NOVA1: variants seen among roughly 807,000 people sequenced by gnomAD.
NOVA1 encodes RNA-binding protein Nova-1.
A neutral mutation model predicts 38.0 loss-of-function variants in NOVA1; 7 were observed. The observed-to-expected ratio is 0.18, with a 90% CI of 0.10 to 0.35. The LOEUF is 0.35. Ranked by LOEUF, NOVA1 falls within the 10% of genes least tolerant of loss-of-function variation. NOVA1 has a pLI of 1.00. For missense variants in NOVA1, 460 were observed against 616.0 expected, an observed-to-expected ratio of 0.75 and a Z score of 2.68; for synonymous variants, 270 against 232.5, an observed-to-expected ratio of 1.16 and a Z score of -1.47.
intron 2 of NOVA1, among the ~76,000 whole-genome samples, chr14:26,491,066 G>T (rs940018910): frequency 6.6e-6 from 1 of 151,998 alleles, no homozygotes; most frequent in African/African-American, 2.4e-5. Flanking sequence ...TAGCCAGGAT[G>T]GCCTCGATCT....
chr14:26,568,836 C>T (rs1892296237), intron 2 of NOVA1, among the ~76,000 whole-genome samples: 1 of 152,064 alleles, frequency 6.6e-6, no homozygotes, highest in Non-Finnish European at 1.5e-5. Context: ...TAAAATACGC[C>T]CTGATCCTCT....
chr14:26,504,815 CTAGTTCATGCTCT>C (rs1326971918), intron 2 of NOVA1, among the ~76,000 whole-genome samples: 2 of 151,746 alleles, frequency 1.3e-5, no homozygotes, highest in Admixed American at 6.6e-5. Flanking sequence ...AGAAAACAAG[CTAGTTCATGCTCT>C]TACAAAATAT....
intron 2 of NOVA1, among the ~76,000 whole-genome samples, chr14:26,525,662 T>C (rs1455796589): frequency 6.6e-6 from 1 of 152,124 alleles, no homozygotes; most frequent in Non-Finnish European, 1.5e-5. Flanking sequence ...TATTTATTAG[T>C]GGATGAATAG....
At chr14:26,524,634 A>G (rs1449067545) in intron 2 of NOVA1, among the ~76,000 whole-genome samples, 2 of 152,164 alleles carry the variant, frequency 1.3e-5, no homozygotes, top group African/African-American at 2.4e-5. Flanking sequence ...TTAATAACAA[A>G]GAATGTCAGA....
intron 2 of NOVA1, among the ~76,000 whole-genome samples, chr14:26,572,757 TG>T (rs1892565883): frequency 6.6e-6 from 1 of 151,604 alleles, no homozygotes; most frequent in Non-Finnish European, 1.5e-5. Flanking sequence ...TGTGTGTGTG[TG>T]TGTGTGTATG....
chr14:26,511,484 C>T (rs1206642379), intron 2 of NOVA1, among the ~76,000 whole-genome samples: 1 of 151,992 alleles, frequency 6.6e-6, no homozygotes, highest in Non-Finnish European at 1.5e-5. Context: ...GAAGAGCTTC[C>T]TGGCCGGGCG....
intron 2 of NOVA1, among the ~76,000 whole-genome samples, chr14:26,508,164 G>A (rs1248353508): frequency 6.6e-6 from 1 of 151,992 alleles, no homozygotes; most frequent in African/African-American, 2.4e-5. Flanking sequence ...GGCACTGATT[G>A]CAAGAGATAA....
chr14:26,448,908 G>A lies in NOVA1; in HGVS notation c.575C>T (p.Ala192Val), dbSNP rs1882367995. The A allele has an allele frequency of 6.2e-7, 1 of 1,613,926 alleles. No homozygotes were observed. Among genetic ancestry groups the A allele is most frequent in the African/African-American group, 1.3e-5 (1 of 74,886 alleles). The change falls in exon 5 of 5, where the codon GCT becomes GTT. Residue 192 changes from alanine to valine, a missense_variant. Coordinates refer to ENST00000539517, the MANE Select transcript of NOVA1 (RefSeq NM_002515.3). The surrounding 1 kb of genome is among the most constrained non-coding windows in gnomAD (Gnocchi z 5.3). ...CTGCTCCATTACAGCCTTCACAGTAGCACCTCCCTTCCCTATTATCAGACC... is the reference window on the plus strand; with the variant it reads ...CTGCTCCATTACAGCCTTCACAGTAACACCTCCCTTCCCTATTATCAGACC... ...TAGLIIGKGG[A>V]TVKAVMEQSG...
intron 4 of NOVA1, among the ~76,000 whole-genome samples, chr14:26,456,342 TGCC>T (rs2138587721): frequency 6.6e-6 from 1 of 152,056 alleles, no homozygotes; most frequent in African/African-American, 2.4e-5. Flanking sequence ...CAAGTGAAGA[TGCC>T]AAATAAGTGG....
intron 2 of NOVA1, among the ~76,000 whole-genome samples, chr14:26,530,799 A>C (rs1476503067): frequency 1.3e-5 from 2 of 152,190 alleles, no homozygotes; most frequent in East Asian, 3.8e-4. Context: ...GTAAGTATTA[A>C]GTAAATAAAT....
rs568081992 is a variant in NOVA1, at chr14:26,531,846, G to C, written c.281-51703C>G. ...ATATCTGACAAAGGACTTGTATCCTGAATATTTAAAGAACTCTTCTAACTG... is the reference window on the plus strand; with the variant it reads ...ATATCTGACAAAGGACTTGTATCCTCAATATTTAAAGAACTCTTCTAACTG... On this transcript the variant is annotated intron_variant, in intron 2 of 4. Coordinates refer to ENST00000539517, the MANE Select transcript of NOVA1 (RefSeq NM_002515.3). Among the ~76,000 whole-genome samples the C allele has an allele frequency of 8.5e-5, 13 of 152,192 alleles. No individual in the cohort carries two copies. The South Asian group carries it at 2.5e-3, about 29-fold the overall frequency.
At chr14:26,454,562 A>G (rs1173085329) in intron 4 of NOVA1, among the ~76,000 whole-genome samples, 2 of 152,194 alleles carry the variant, frequency 1.3e-5, no homozygotes, top group South Asian at 2.1e-4. Flanking sequence ...GCCATCACAG[A>G]GGAAATACAA....
chr14:26,457,884 T>C (rs1054595197), intron 4 of NOVA1, among the ~76,000 whole-genome samples: 3 of 152,086 alleles, frequency 2.0e-5, no homozygotes, highest in African/African-American at 7.2e-5. Flanking sequence ...ATACCATCCC[T>C]GTATAGGAGT....
chr14:26,560,859 T>G (rs934295931), intron 2 of NOVA1, among the ~76,000 whole-genome samples: 3 of 152,180 alleles, frequency 2.0e-5, no homozygotes, highest in African/African-American at 7.2e-5. Context: ...ACAGTAAATT[T>G]CATATAACTA....
rs117114129 is a variant in NOVA1 at position 26,553,503 on chromosome 14, G to A, written c.280+41907C>T. 2.6e-4 allele frequency among the ~76,000 whole-genome samples: 40 copies of A among 152,162 alleles called. No individual in the cohort carries two copies. The East Asian group carries it at 7.6e-3, about 29-fold the overall frequency. On this transcript the variant is annotated intron_variant, in intron 2 of 4. Transcript: ENST00000539517. ...TCACCTCTCAGTTGGACCTCTGCTT[G>A]TGTGTTAGAGTTGCTTATTATCCCA...
At chr14:26,529,795 G>C (rs2138544900) in intron 2 of NOVA1, among the ~76,000 whole-genome samples, 1 of 152,238 alleles carries the variant, frequency 6.6e-6, no homozygotes, top group South Asian at 2.1e-4. Context: ...GGAATCCTAG[G>C]ACTCACACTT....
intron 4 of NOVA1, among the ~76,000 whole-genome samples, chr14:26,462,921 A>G (rs1203233109): frequency 6.6e-6 from 1 of 152,214 alleles, no homozygotes; most frequent in Non-Finnish European, 1.5e-5. Flanking sequence ...AAAACAAAGT[A>G]GAGATATAAG....
At chr14:26,570,271 T>C (rs10130228) in intron 2 of NOVA1, among the ~76,000 whole-genome samples, 143,732 of 152,044 alleles carry the variant, frequency 0.95, 68,442 homozygotes, top group East Asian at 1. Flanking sequence ...AGCTTGAACC[T>C]GGGAGGCAGA....
At chr14:26,563,376 G>T (rs1034819645) in intron 2 of NOVA1, among the ~76,000 whole-genome samples, 1 of 143,744 alleles carries the variant, frequency 7.0e-6, no homozygotes. Flanking sequence ...AAAAATCAGA[G>T]AAACAGTAAG....
Sources: gnomAD v4.1 joint callset for allele counts (sites outside exome capture counted in the v4.1 genomes callset) on GRCh38, gnomAD v4.1.1 for gene constraint, Gnocchi (gnomAD v3.1) non-coding constraint, MANE v1.5 for transcripts, NCBI Gene and HGNC (gene_info 2026-07-23, HGNC 2026-07-21) for gene names.